GPD2: variants seen among roughly 807,000 people sequenced by gnomAD.
GPD2 encodes the protein glycerol-3-phosphate dehydrogenase 2.
GPD2 carries 54 observed loss-of-function variants against 82.4 expected under a neutral mutation model. The ratio of observed to expected loss-of-function variants is 0.66; its 90% CI spans 0.53 to 0.82. The LOEUF (loss-of-function observed/expected upper bound fraction) is 0.82, where lower values mean the gene tolerates loss of function less well. Among genes scored for constraint, GPD2 ranks in the 40% least tolerant of loss-of-function variants. The pLI is 0.00. For missense variants in GPD2, 748 were observed against 896.2 expected, an observed-to-expected ratio of 0.83 and a Z score of 2.11; for synonymous variants, 288 against 306.1, an observed-to-expected ratio of 0.94 and a Z score of 0.62.
chr2:156,492,916 T>C (rs536814466), intron 2 of GPD2, among the ~76,000 whole-genome samples: 6 of 152,248 alleles, frequency 3.9e-5, no homozygotes, highest in African/African-American at 1.2e-4. Flanking sequence ...AGTAATTGGG[T>C]CAATTTTGAG....
At chr2:156,482,942 G>C (rs1255391830) in intron 2 of GPD2, among the ~76,000 whole-genome samples, 2 of 152,088 alleles carry the variant, frequency 1.3e-5, no homozygotes, top group Non-Finnish European at 2.9e-5. Flanking sequence ...GTGATGCATG[G>C]ATAATTAAAA....
At chr2:156,463,814 T>C (rs556745293) in intron 1 of GPD2, among the ~76,000 whole-genome samples, 2 of 152,226 alleles carry the variant, frequency 1.3e-5, no homozygotes, top group East Asian at 3.8e-4. Flanking sequence ...AAAAGGAATA[T>C]TGAGTCGAAC....
At chr2:156,430,455 A>G (rs573828001), upstream of GPD2, among the ~76,000 whole-genome samples, 2 of 152,352 alleles carry the variant, frequency 1.3e-5, no homozygotes, top group East Asian at 3.9e-4. Context: ...AATGTTTGAT[A>G]TTAACATCCT....
intron 16 of GPD2, among the ~76,000 whole-genome samples, chr2:156,581,861 G>A (rs925483164): frequency 1.3e-5 from 2 of 151,836 alleles, no homozygotes; most frequent in African/African-American, 4.8e-5. Context: ...CTCTTTTTAA[G>A]CAACGTGTCT....
At chr2:156,426,558 C>A in the GPD2 span, among the ~76,000 whole-genome samples, 2 of 152,286 alleles carry the variant, frequency 1.3e-5, no homozygotes, top group South Asian at 4.1e-4. Context: ...ACTCCTGTAT[C>A]CCTAGAACAA....
In GPD2 at chr2:156,549,677, C is replaced by G; in HGVS notation, c.731C>G (p.Ala244Gly). The change falls in exon 7 of 17, where the codon GCC becomes GGC. Residue 244 changes from alanine to glycine, a missense_variant. Physicochemically the swap from Ala to Gly is moderately conservative, Grantham distance 60 (BLOSUM62 0). Around this residue, in one of 3 missense-constraint regions of GPD2, gnomAD observed 692 missense variants for 809.7 expected, o/e 0.85. Coordinates refer to ENST00000438166, the MANE Select transcript of GPD2 (RefSeq NM_000408.5). ...GCTGCCAGGTATGGGGCTGCCACAG[C>G]CAATTACATGGAGGTAGTGAGCTTG... is the stretch of plus-strand genomic sequence containing the variant. ...LTAARYGAAT[A>G]NYMEVVSLLK... is the part of the protein sequence containing the mutation. The G allele has an allele frequency of 1.2e-6, 2 of 1,613,604 alleles. 1 individual carries two copies. The highest frequency in any genetic ancestry group is 1.7e-6 in the Non-Finnish European group (2 of 1,179,506).
chr2:156,493,493 A>C (rs1684257695), intron 2 of GPD2, among the ~76,000 whole-genome samples: 1 of 152,072 alleles, frequency 6.6e-6, no homozygotes, highest in Non-Finnish European at 1.5e-5. Flanking sequence ...AGGACAAGGG[A>C]GGGAGTGAAT....
At chr2:156,553,061 A>G (rs983058948) in intron 8 of GPD2, among the ~76,000 whole-genome samples, 4 of 151,440 alleles carry the variant, frequency 2.6e-5, no homozygotes, top group African/African-American at 7.3e-5. Flanking sequence ...GCTAATTTTC[A>G]TATTTTTAGT....
At chr2:156,500,879 G>A (rs756098894) in intron 3 of GPD2, among the ~76,000 whole-genome samples, 24 of 152,110 alleles carry the variant, frequency 1.6e-4, no homozygotes, top group Non-Finnish European at 2.5e-4. Flanking sequence ...TTCTCCTCAC[G>A]TTCTCCTGCA....
the GPD2 span, among the ~76,000 whole-genome samples, chr2:156,407,419 A>G: frequency 2.0e-5 from 3 of 152,184 alleles, no homozygotes; most frequent in Non-Finnish European, 4.4e-5. Flanking sequence ...ATCTTGGAAA[A>G]TTATCCTTCT....
chr2:156,508,523 C>A (rs1019629454), intron 3 of GPD2, among the ~76,000 whole-genome samples: 1 of 152,052 alleles, frequency 6.6e-6, no homozygotes, highest in East Asian at 1.9e-4. Flanking sequence ...GGGTAGGTAT[C>A]CCTAAGGATA....
intron 13 of GPD2, among the ~76,000 whole-genome samples, chr2:156,571,809 A>G (rs1053613423): frequency 2.0e-5 from 3 of 152,164 alleles, no homozygotes; most frequent in Admixed American, 6.5e-5. Context: ...ATACAGGGTT[A>G]GGCTAAGTAG....
chr2:156,439,527 A>C (rs1451863950), intron 1 of GPD2, among the ~76,000 whole-genome samples: 14 of 106,618 alleles, frequency 1.3e-4, no homozygotes, highest in African/African-American at 3.8e-4. Flanking sequence ...AAAAAAAAAA[A>C]AAAAAAAAAA....
At chr2:156,507,806 C>T (rs1206660463) in intron 3 of GPD2, among the ~76,000 whole-genome samples, 1 of 152,144 alleles carries the variant, frequency 6.6e-6, no homozygotes, top group Non-Finnish European at 1.5e-5. Flanking sequence ...ATCTGCCTTG[C>T]CCATTCTTTG....
At chr2:156,516,211 A>G (rs527779640) in intron 6 of GPD2, among the ~76,000 whole-genome samples, 1 of 152,372 alleles carries the variant, frequency 6.6e-6, no homozygotes, top group African/African-American at 2.4e-5. Flanking sequence ...ATAAATCACC[A>G]TGATGAGAAT....
At chr2:156,488,307 G>T (rs751002151) in intron 2 of GPD2, among the ~76,000 whole-genome samples, 37 of 152,182 alleles carry the variant, frequency 2.4e-4, no homozygotes, top group Non-Finnish European at 3.7e-4. Flanking sequence ...GTGAGGAGAT[G>T]CTTGTTGGAT....
Position 156,524,948 on chromosome 2 carries a change from G to C in GPD2, c.661+11452G>C, listed in dbSNP as rs1472630347. On this transcript the variant is annotated intron_variant, in intron 6 of 16. Transcript: ENST00000438166. ...ACAGCATTTCATTAGAGGTTAAGGG[G>C]TTATAAAATGTTACTTTTATAATTC... is the stretch of plus-strand genomic sequence containing the variant. Among the ~76,000 whole-genome samples the C allele has an allele frequency of 2.0e-5, 3 of 152,012 alleles. No individual in the cohort carries two copies. The East Asian group carries it at 5.8e-4, about 29-fold the overall frequency.
chr2:156,516,093 T>G (rs1385499129), intron 6 of GPD2, among the ~76,000 whole-genome samples: 1 of 152,212 alleles, frequency 6.6e-6, no homozygotes, highest in Admixed American at 6.5e-5. Flanking sequence ...ACTAAAGTAT[T>G]TCAGAGAGGA....
intron 2 of GPD2, among the ~76,000 whole-genome samples, chr2:156,492,106 T>C (rs1389204285): frequency 6.6e-6 from 1 of 151,258 alleles, no homozygotes; most frequent in Admixed American, 6.6e-5. Context: ...AGAGTTTCAA[T>C]TGTGTTGCAT....
Sources: gnomAD v4.1 joint callset for allele counts (sites outside exome capture counted in the v4.1 genomes callset) on GRCh38, gnomAD v4.1.1 for gene constraint, gnomAD v4.1.1 regional missense constraint, MANE v1.5 for transcripts, NCBI Gene and HGNC (gene_info 2026-07-23, HGNC 2026-07-21) for gene names.